Variants in IRF9 observed in about 807,000 individuals in gnomAD.
The protein encoded by IRF9 is IFN-alpha-responsive transcription factor subunit.
IRF9 carries 13 observed loss-of-function variants against 44.1 expected under a neutral mutation model. The observed-to-expected ratio is 0.29, with a 90% confidence interval of 0.19 to 0.47. The LOEUF is 0.47. Ranked by LOEUF, IRF9 falls within the 20% of genes least tolerant of loss-of-function variation. The pLI, the probability that IRF9 is intolerant of heterozygous loss-of-function variation, is 1.00. For missense variants in IRF9, 373 were observed against 496.1 expected (o/e 0.75, Z 2.36); for synonymous variants, 189 against 188.5 (o/e 1.00, Z -0.02).
Position 24,164,854 on chromosome 14 carries a change from C to G in IRF9, c.890C>G (p.Pro297Arg). 1 of 1,611,082 alleles carries G rather than the reference C, an allele frequency of 6.2e-7. No homozygotes were observed. Among genetic ancestry groups the G allele is most frequent in the Non-Finnish European group, 8.5e-7 (1 of 1,179,980 alleles). ...TTCGTGCAGCGCCTTTGCCCCATCC[C>G]CATCTCCTGGAATGCACCCCAGGCT... ...GLFVQRLCPI[P>R]ISWNAPQAPP... The change falls in exon 7 of 9, where the codon CCC (proline) becomes CGC (arginine). Residue 297 changes from proline (P) to arginine (R), a missense_variant. This residue lies in a region of IRF9 where 146 missense variants were observed against 240.8 expected (regional missense o/e 0.61). Transcript: ENST00000396864. This position sits in a 1 kb window ranked among gnomAD's most constrained non-coding sequence, Gnocchi z 5.2.
At position 24,164,841 on chromosome 14, in the gene IRF9, CT is replaced by C; in HGVS notation, c.880del (p.Cys294AlafsTer54). On this transcript the variant is annotated frameshift_variant, in exon 7 of 9. Transcript: ENST00000396864. LOFTEE classifies it high-confidence loss of function. The surrounding 1 kb of genome is among the most constrained non-coding windows in gnomAD (Gnocchi z 5.2). The stretch of plus-strand genomic sequence containing the variant: ...CCCCCGAGGCCTCTTCGTGCAGCGC[CT>C]TTGCCCCATCCCCATCTCCTGGAAT... Reference protein sequence around the residue: ...SNPRGLFVQRLCPIPISWNAP... With the variant: ...SNPRGLFVQRXCPIPISWNAP... The C allele has an allele frequency of 1.2e-6, 2 of 1,610,558 alleles. No individual in the cohort carries two copies.
rs551629868 is a variant in IRF9 at position 24,164,831 on chromosome 14, C to T, written c.867C>T (p.Phe289=). The T allele has an allele frequency of 3.2e-5, 52 of 1,609,932 alleles. No individual in the cohort carries two copies. The highest frequency in any genetic ancestry group is 1.1e-4 in the African/African-American group (8 of 74,928). ...ILVASNPRGL[F]VQRLCPIPIS... The stretch of plus-strand genomic sequence containing the variant: ...TGGCCAGCAACCCCCGAGGCCTCTT[C>T]GTGCAGCGCCTTTGCCCCATCCCCA... Residue 289 remains phenylalanine (F), a synonymous_variant, in exon 7 of 9, where the codon TTC becomes TTT. Coordinates refer to ENST00000396864, the MANE Select transcript of IRF9 (RefSeq NM_006084.5). The surrounding 1 kb of genome is among the most constrained non-coding windows in gnomAD (Gnocchi z 5.2).
At chr14:24,161,597 A>G (rs1405980440) in intron 1 of IRF9, among the ~76,000 whole-genome samples, 2 of 152,150 alleles carry the variant, frequency 1.3e-5, no homozygotes, top group African/African-American at 2.4e-5. Context: ...TCAGTGGACC[A>G]TTTGTTTCCT....
chr14:24,163,703 T>C, intron 4 of IRF9, 175 bp from the exon 5 acceptor site: 1 of 850,462 alleles, frequency 1.2e-6, no homozygotes, highest in Admixed American at 2.9e-5. Context: ...CTGTGCGTTG[T>C]GGCATCTGCC....
intron 2 of IRF9, 76 bp downstream of exon 2, chr14:24,162,400 C>T: frequency 7.1e-7 from 1 of 1,410,248 alleles, no homozygotes; most frequent in Non-Finnish European, 9.7e-7. Context: ...TCCTCGAGCA[C>T]TTGCGTCTGC....
At chr14:24,165,391 G>T in intron 7 of IRF9, 2 of 602,256 alleles carry the variant, frequency 3.3e-6, no homozygotes, top group South Asian at 1.9e-5. Flanking sequence ...CATGCCTTAG[G>T]GTTGCGCTTC....
chr14:24,162,853 C>T (rs1443527595), intron 2 of IRF9, 113 bp from the exon 3 acceptor site: 1 of 804,124 alleles, frequency 1.2e-6, no homozygotes, highest in Non-Finnish European at 2.0e-6. Context: ...AGAGCACAGA[C>T]CCTGCATAAT....
At position 24,162,955 on chromosome 14, in the gene IRF9, T is replaced by G. The variant is rs771188780; in HGVS notation, c.181-11T>G. 1.9e-6 allele frequency: 3 copies of G among 1,611,844 alleles called. No individual in the cohort carries two copies. In the South Asian group the frequency reaches 3.3e-5, roughly 18 times the overall value. On this transcript the variant is annotated splice_polypyrimidine_tract_variant and intron_variant, in intron 2 of 8. Coordinates refer to ENST00000396864, the MANE Select transcript of IRF9 (RefSeq NM_006084.5). ...ACACACTGCCTCTTCTTCCCTTGCTTTCTTTCCTAGGCCTGGGCAATATTT... is the reference window on the plus strand; with the variant it reads ...ACACACTGCCTCTTCTTCCCTTGCTGTCTTTCCTAGGCCTGGGCAATATTT...
Position 24,162,156 on chromosome 14 carries a change from C to T in IRF9, c.12C>T (p.Gly4=). ...TATTATCCCCCAGGATGGCATCAGG[C>T]AGGGCACGCTGCACCCGAAAACTCC... MAS[G]RARCTRKLRN... is the part of the protein sequence containing the mutation. Residue 4 remains glycine (G), a synonymous_variant, in exon 2 of 9, where the codon GGC becomes GGT. Transcript: ENST00000396864. The T allele has an allele frequency of 1.2e-6, 2 of 1,613,836 alleles. No individual in the cohort carries two copies. Among genetic ancestry groups the T allele is most frequent in the Non-Finnish European group, 1.7e-6 (2 of 1,179,840 alleles).
chr14:24,163,084 G>A lies in IRF9; in HGVS notation c.299G>A (p.Arg100Lys). ...TCTGAATTTAAGGAGGTTCCTGAGA[G>A]GGGCCGCATGGATGTTGCTGAGCCC... Reference protein sequence around the residue: ...KSSEFKEVPERGRMDVAEPYK... With the variant: ...KSSEFKEVPEKGRMDVAEPYK... Residue 100 changes from arginine (R) to lysine (K), a missense_variant, in exon 3 of 9, where the codon AGG becomes AAG. Transcript: ENST00000396864. 1 of 1,614,214 alleles carries A rather than the reference G, an allele frequency of 6.2e-7. No individual in the cohort carries two copies. Among genetic ancestry groups the A allele is most frequent in the African/African-American group, 1.3e-5 (1 of 75,066 alleles).
chr14:24,165,037 A>C (rs753073454), intron 7 of IRF9, 82 bp downstream of exon 7: 1 of 1,240,020 alleles, frequency 8.1e-7, no homozygotes, highest in Admixed American at 1.9e-5. Flanking sequence ...GGGTCCTGCT[A>C]CCTCCCTATC....
Position 24,164,184 on chromosome 14 carries a change from C to T in IRF9, c.649+50C>T. ...CTGTGCCCTGTGCCCCTGAGGTCTT[C>T]CACCTTTGACTATGCATGCATTATC... On this transcript the variant is annotated intron_variant, in intron 6 of 8. Coordinates refer to ENST00000396864, the MANE Select transcript of IRF9 (RefSeq NM_006084.5). This position sits in a 1 kb window ranked among gnomAD's most constrained non-coding sequence, Gnocchi z 5.2. The T allele has an allele frequency of 6.8e-7, 1 of 1,464,378 alleles. No homozygotes were observed. The highest frequency in any genetic ancestry group is 9.6e-7 in the Non-Finnish European group (1 of 1,044,004). The allele number at this position is 1,464,378 out of a possible 1,614,324, so 90.7% of individuals were successfully genotyped here.
At position 24,165,965 on chromosome 14, in the gene IRF9, G is replaced by A; in HGVS notation, c.1107+3G>A. 2.5e-6 allele frequency: 4 copies of A among 1,611,518 alleles called. No homozygotes were observed. The highest frequency in any genetic ancestry group is 1.7e-6 in the Non-Finnish European group (2 of 1,177,704). ...CACAGAATCTTATCACAGTGAAGGT[G>A]AGCTCGGAGCAGGGGTAGAGTACCC... On this transcript the variant is annotated splice_donor_region_variant and intron_variant, in intron 8 of 8. Coordinates refer to ENST00000396864, the MANE Select transcript of IRF9 (RefSeq NM_006084.5).
At chr14:24,165,013 G>A (rs1244942877) in intron 7 of IRF9, 58 bp downstream of exon 7, 2 of 1,539,558 alleles carry the variant, frequency 1.3e-6, no homozygotes, top group Admixed American at 1.7e-5. Flanking sequence ...AGTACCCCCT[G>A]GGCCCAACTT....
At chr14:24,165,049 G>T (rs749533546) in intron 7 of IRF9, 94 bp downstream of exon 7, 40 of 1,107,698 alleles carry the variant, frequency 3.6e-5, no homozygotes, top group Non-Finnish European at 5.2e-5. Flanking sequence ...CTCCCTATCT[G>T]CCAGCAGATC....
chr14:24,162,293 TC>T lies in IRF9; in HGVS notation c.151del (p.Arg51GlyfsTer222). The T allele has an allele frequency of 6.2e-7, 1 of 1,614,126 alleles. No homozygotes were observed. The highest frequency in any genetic ancestry group is 8.5e-7 in the Non-Finnish European group (1 of 1,180,002). ...TGGAAACATGCAGGCAAGCAGGACT[TC>T]CGGGAGGACCAGGATGCTGCCTTCT... ...IPWKHAGKQDFREDQDAAFFK... is the reference protein window; with the variant it reads ...IPWKHAGKQDXREDQDAAFFK... On this transcript the variant is annotated frameshift_variant, in exon 2 of 9. Transcript: ENST00000396864. LOFTEE classifies it high-confidence loss of function.
At position 24,164,193 on chromosome 14, in the gene IRF9, A is replaced by C. The variant is rs1374937564; in HGVS notation, c.649+59A>C. 1 of 1,376,522 alleles carries C rather than the reference A, an allele frequency of 7.3e-7. No individual in the cohort carries two copies. Among genetic ancestry groups the C allele is most frequent in the African/African-American group, 1.4e-5 (1 of 69,938 alleles). 85.3% of individuals were successfully genotyped at this position (1,376,522 alleles called of 1,614,324 possible). On this transcript the variant is annotated intron_variant, in intron 6 of 8. Transcript: ENST00000396864. This position sits in a 1 kb window ranked among gnomAD's most constrained non-coding sequence, Gnocchi z 5.2. ...GTGCCCCTGAGGTCTTCCACCTTTG[A>C]CTATGCATGCATTATCTAGTCAGTC...
intron 2 of IRF9, 71 bp downstream of exon 2, chr14:24,162,395 GA>G: frequency 7.0e-7 from 1 of 1,437,814 alleles, no homozygotes; most frequent in African/African-American, 1.4e-5. Flanking sequence ...ACTCATCCTC[GA>G]GCACTTGCGT....
Position 24,166,355 on chromosome 14 carries a change from G to A in IRF9, c.*159G>A. 1 of 651,922 alleles carries A rather than the reference G, an allele frequency of 1.5e-6. No homozygotes were observed. Among genetic ancestry groups the A allele is most frequent in the East Asian group, 2.8e-5 (1 of 36,114 alleles). The allele number at this position is 651,922 out of a possible 1,614,324, so 40.4% of individuals were successfully genotyped here. On this transcript the variant is annotated 3_prime_UTR_variant, in exon 9 of 9. Transcript: ENST00000396864. ...AAATCCTCGCACACACTGGCTGGTG[G>A]AGAACTCAAGGCTAATTTTTTATCC...
Sources: allele counts gnomAD v4.1 joint callset (sites outside exome capture counted in the v4.1 genomes callset), GRCh38; gene constraint gnomAD v4.1.1; regional missense constraint gnomAD v4.1.1; non-coding constraint Gnocchi (gnomAD v3.1); transcripts MANE v1.5; gene names NCBI Gene and HGNC (gene_info 2026-07-23, HGNC 2026-07-21).